The following SCAI variants were observed in gnomAD, a reference collection of about 807,000 sequenced individuals.
SCAI encodes suppressor of cancer cell invasion.
Under a neutral mutation model 92.2 loss-of-function variants are expected in SCAI, and 24 were observed. The ratio of observed to expected loss-of-function variants is 0.26; its 90% CI spans 0.19 to 0.37. The LOEUF (loss-of-function observed/expected upper bound fraction) is 0.37, where lower values mean the gene tolerates loss of function less well. SCAI is among the 10% of genes least tolerant of loss of function. The pLI is 1.00. For synonymous variants in SCAI, 261 were observed against 258.6 expected, an observed-to-expected ratio of 1.01 and a Z score of -0.09; for missense variants, 450 against 736.2, an observed-to-expected ratio of 0.61 and a Z score of 4.50.
In SCAI at chr9:125,071,441, TG is replaced by T. The variant is rs1833977647; in HGVS notation, c.99-15435del. The stretch of plus-strand genomic sequence containing the variant: ...GTTATAATAATAATGAAAAGAGAAA[TG>T]CATAGGTACCAAACTTCTTGTTGAT... On this transcript the variant is annotated intron_variant, in intron 2 of 17. Coordinates refer to ENST00000336505, the MANE Select transcript of SCAI (RefSeq NM_001144877.3). Among the ~76,000 whole-genome samples the T allele has an allele frequency of 2.6e-5, 4 of 151,792 alleles. No individual in the cohort carries two copies. The South Asian group carries it at 8.3e-4, about 32-fold the overall frequency.
chr9:124,976,938 G>A (rs764604250), intron 14 of SCAI, among the ~76,000 whole-genome samples: 42 of 151,060 alleles, frequency 2.8e-4, no homozygotes, highest in African/African-American at 9.5e-4. Context: ...GCACGATCTC[G>A]GTTCACTGAA....
At chr9:125,051,218 T>C (rs827661) in intron 3 of SCAI, among the ~76,000 whole-genome samples, 44,336 of 151,586 alleles carry the variant, frequency 0.29, 6,824 homozygotes, top group Middle Eastern at 0.41. Flanking sequence ...AGATGGGGTT[T>C]CACCATGTTG....
intron 2 of SCAI, among the ~76,000 whole-genome samples, chr9:125,063,754 CTT>C (rs367915695): frequency 1.8e-4 from 25 of 139,646 alleles, no homozygotes; most frequent in Admixed American, 1.4e-4. Context: ...TCCCTTTTAT[CTT>C]TTTTTTTTTT....
intron 13 of SCAI, 78 bp downstream of exon 13, chr9:124,999,813 C>T (rs563348068): frequency 4.0e-6 from 3 of 744,524 alleles, no homozygotes; most frequent in East Asian, 6.0e-5. Flanking sequence ...GAAAAAACTC[C>T]CCATTTTACT....
chr9:125,082,382 CG>C (rs199616914), intron 2 of SCAI, among the ~76,000 whole-genome samples: 3,555 of 152,280 alleles, frequency 0.023, 143 homozygotes, highest in African/African-American at 0.082. Context: ...GCTGCAGGGG[CG>C]GGGCCCTCAT....
At chr9:125,095,152 C>T (rs1834520258) in intron 2 of SCAI, among the ~76,000 whole-genome samples, 1 of 152,110 alleles carries the variant, frequency 6.6e-6, no homozygotes. Flanking sequence ...CATCCAGTAA[C>T]CAACGGAGAC....
chr9:125,021,785 G>A (rs1473640578), intron 6 of SCAI, among the ~76,000 whole-genome samples: 1 of 151,350 alleles, frequency 6.6e-6, no homozygotes, highest in South Asian at 2.1e-4. Context: ...CTTTTTTTTT[G>A]TTTAAGAGAT....
chr9:124,984,253 G>A (rs1326086806), intron 14 of SCAI, among the ~76,000 whole-genome samples: 7 of 152,110 alleles, frequency 4.6e-5, no homozygotes, highest in African/African-American at 1.7e-4. Flanking sequence ...GAGCAATCAG[G>A]GGCCAGGGAA....
chr9:125,081,023 C>T (rs1834203633), intron 2 of SCAI, among the ~76,000 whole-genome samples: 1 of 152,252 alleles, frequency 6.6e-6, no homozygotes, highest in African/African-American at 2.4e-5. Flanking sequence ...TAAGATGTGA[C>T]TTGCTCCTCC....
At chr9:124,969,941 C>T (rs1017806244) in intron 17 of SCAI, among the ~76,000 whole-genome samples, 2 of 152,140 alleles carry the variant, frequency 1.3e-5, no homozygotes, top group Non-Finnish European at 2.9e-5. Flanking sequence ...GCAACCTCCG[C>T]CTCCTGGGTT....
Position 125,090,492 on chromosome 9 carries a change from G to C in SCAI, c.99-34485C>G, listed in dbSNP as rs192920156. On this transcript the variant is annotated intron_variant, in intron 2 of 17. Coordinates refer to ENST00000336505, the MANE Select transcript of SCAI (RefSeq NM_001144877.3). Reference sequence around the variant, plus strand: ...GGATGATGAAGAAGGAGAAGGAAGGGGCAGGGGAGAAGGAAGGAATTTTTC... The same window carrying C: ...GGATGATGAAGAAGGAGAAGGAAGGCGCAGGGGAGAAGGAAGGAATTTTTC... Among the ~76,000 whole-genome samples, 131 of 151,740 alleles carry C rather than the reference G, an allele frequency of 8.6e-4. 1 individual carries two copies. The highest frequency in any genetic ancestry group is 3.0e-3 in the African/African-American group (126 of 41,376).
intron 17 of SCAI, among the ~76,000 whole-genome samples, chr9:124,954,791 TA>T (rs1467103897): frequency 3.7e-4 from 56 of 152,162 alleles, no homozygotes; most frequent in African/African-American, 1.3e-3. Context: ...CAGCCCTGGA[TA>T]ACCACGCATG....
chr9:125,092,129 CTTAAAAAAAAAAAA>C (rs1259559525), intron 2 of SCAI, among the ~76,000 whole-genome samples: 1 of 40,286 alleles, frequency 2.5e-5, no homozygotes, highest in Non-Finnish European at 4.3e-5. Context: ...GACTCCGTCT[CTTAAAAAAAAAAAA>C]AAAAAAAAAA....
intron 3 of SCAI, among the ~76,000 whole-genome samples, chr9:125,031,019 A>G (rs1025645443): frequency 4.6e-5 from 7 of 152,136 alleles, no homozygotes; most frequent in African/African-American, 1.7e-4. Flanking sequence ...TTCTTCATTA[A>G]AGTCTGTGAA....
chr9:125,001,612 G>C (rs1409529339), intron 12 of SCAI, among the ~76,000 whole-genome samples: 1 of 152,200 alleles, frequency 6.6e-6, no homozygotes, highest in African/African-American at 2.4e-5. Context: ...ATTCAATGAT[G>C]TGAAATAGAT....
intron 13 of SCAI, among the ~76,000 whole-genome samples, chr9:124,996,221 G>T (rs10986508): frequency 2.7e-4 from 40 of 150,060 alleles, no homozygotes; most frequent in African/African-American, 6.4e-4. Context: ...GGGCGGGGGT[G>T]GGGGGGTGGT....
At chr9:125,094,378 T>C (rs1169257220) in intron 2 of SCAI, among the ~76,000 whole-genome samples, 1 of 152,254 alleles carries the variant, frequency 6.6e-6, no homozygotes, top group Non-Finnish European at 1.5e-5. Flanking sequence ...GAATTCACTG[T>C]AATCTCAGCT....
At position 124,946,485 on chromosome 9, in the gene SCAI, G is replaced by A. The variant is rs1831146606; in HGVS notation, c.*6322C>T. ...TCCAAAGAATACGGTGTAAAAAGTT[G>A]CTTTGCAGTTATATTTTATCATGCA... On this transcript the variant is annotated 3_prime_UTR_variant, in exon 18 of 18. Coordinates refer to ENST00000336505, the MANE Select transcript of SCAI (RefSeq NM_001144877.3). This position sits in a 1 kb window ranked among gnomAD's most constrained non-coding sequence, Gnocchi z 4.0. 1 of 152,114 alleles carries A rather than the reference G, an allele frequency of 6.6e-6. No homozygotes were observed. Among genetic ancestry groups the A allele is most frequent in the Non-Finnish European group, 1.5e-5 (1 of 68,028 alleles). The allele number at this position is 152,114 out of a possible 1,614,324, so 9.4% of individuals were successfully genotyped here.
At chr9:124,953,340 C>T (rs1323813842) in intron 17 of SCAI, among the ~76,000 whole-genome samples, 1 of 152,014 alleles carries the variant, frequency 6.6e-6, no homozygotes, top group Non-Finnish European at 1.5e-5. Flanking sequence ...TAAAATGAGG[C>T]TGGGGCAGCC....
Sources: allele counts gnomAD v4.1 joint callset (sites outside exome capture counted in the v4.1 genomes callset), GRCh38; gene constraint gnomAD v4.1.1; non-coding constraint Gnocchi (gnomAD v3.1); transcripts MANE v1.5; gene names NCBI Gene and HGNC (gene_info 2026-07-23, HGNC 2026-07-21).